The following ERC1 variants were observed in gnomAD, a reference collection of about 807,000 sequenced individuals.
ERC1 encodes the protein ELKS/RAB6-interacting/CAST family member 1.
ERC1 carries 56 observed loss-of-function variants against 132.0 expected under a neutral mutation model. That is an observed-to-expected ratio of 0.42 (90% CI 0.34 to 0.53). The LOEUF is 0.53. Ranked by LOEUF, ERC1 falls within the 20% of genes least tolerant of loss-of-function variation. ERC1 has a pLI of 0.03. For synonymous variants in ERC1, 478 were observed against 476.1 expected (o/e 1.00, Z -0.05); for missense variants, 1,202 against 1,349.9 (o/e 0.89, Z 1.72).
chr12:1,006,191 AGG>A (rs1592640899), intron 1 of ERC1, among the ~76,000 whole-genome samples: 1 of 1,094 alleles, frequency 9.1e-4, no homozygotes, highest in African/African-American at 1.0e-3. Flanking sequence ...TCCTGACCTC[AGG>A]TGATCCACCC....
chr12:1,025,132 G>A (rs986704642), intron 1 of ERC1, among the ~76,000 whole-genome samples: 12 of 152,040 alleles, frequency 7.9e-5, no homozygotes, highest in African/African-American at 2.7e-4. Flanking sequence ...AGATACCAAG[G>A]GACAACTGCC....
chr12:1,141,218 A>C (rs918959399), intron 7 of ERC1, among the ~76,000 whole-genome samples: 1 of 152,204 alleles, frequency 6.6e-6, no homozygotes, highest in Non-Finnish European at 1.5e-5. Context: ...CTCATAGCCT[A>C]TGACTAGACT....
At chr12:1,061,899 A>C (rs1012924755) in intron 2 of ERC1, among the ~76,000 whole-genome samples, 1 of 150,754 alleles carries the variant, frequency 6.6e-6, no homozygotes, top group Non-Finnish European at 1.5e-5. Flanking sequence ...TTTTGATATA[A>C]GTATTTATTG....
chr12:1,255,933 C>T (rs534969988), intron 13 of ERC1, among the ~76,000 whole-genome samples: 7 of 151,962 alleles, frequency 4.6e-5, no homozygotes, highest in South Asian at 2.1e-4. Context: ...GTTTAATGAT[C>T]GCCATTCTAA....
At chr12:1,436,909 CT>C (rs1011767495) in intron 17 of ERC1, among the ~76,000 whole-genome samples, 8 of 152,084 alleles carry the variant, frequency 5.3e-5, no homozygotes, top group Non-Finnish European at 1.2e-4. Flanking sequence ...ATTTTTGCCC[CT>C]AATGTCTCAT....
chr12:1,412,435 C>A (rs2091900151), intron 17 of ERC1, among the ~76,000 whole-genome samples: 1 of 152,216 alleles, frequency 6.6e-6, no homozygotes, highest in African/African-American at 2.4e-5. Flanking sequence ...TAGGCCATTT[C>A]AGGAGAGGTG....
chr12:1,321,894 CG>C (rs1191009760), intron 15 of ERC1, among the ~76,000 whole-genome samples: 2 of 152,162 alleles, frequency 1.3e-5, no homozygotes, highest in African/African-American at 2.4e-5. Flanking sequence ...TAAGAACAAA[CG>C]GGGATCAATG....
intron 8 of ERC1, among the ~76,000 whole-genome samples, chr12:1,169,760 GT>G (rs1302542820): frequency 6.6e-6 from 1 of 152,132 alleles, no homozygotes; most frequent in Non-Finnish European, 1.5e-5. Context: ...TATTCAAGTA[GT>G]TTTTCAGAGT....
At chr12:1,224,263 G>C (rs952224944) in intron 12 of ERC1, among the ~76,000 whole-genome samples, 1 of 152,026 alleles carries the variant, frequency 6.6e-6, no homozygotes, top group African/African-American at 2.4e-5. Context: ...ACACACACAC[G>C]TACACAGACA....
At chr12:1,451,346 C>A (rs186932763) in intron 18 of ERC1, among the ~76,000 whole-genome samples, 1 of 152,304 alleles carries the variant, frequency 6.6e-6, no homozygotes, top group African/African-American at 2.4e-5. Flanking sequence ...AGAGCAGTGG[C>A]TCATGCCTGT....
chr12:1,274,113 G>A (rs1566454102), intron 14 of ERC1, among the ~76,000 whole-genome samples: 1 of 152,272 alleles, frequency 6.6e-6, no homozygotes, highest in East Asian at 1.9e-4. Context: ...ATTAGTGGAG[G>A]AAAAAGGAGT....
At chr12:1,144,233 A>G (rs2968894) in intron 8 of ERC1, among the ~76,000 whole-genome samples, 51,979 of 152,052 alleles carry the variant, frequency 0.34, 10,838 homozygotes, top group African/African-American at 0.58. Context: ...AATAAAGTGA[A>G]TTAAAACTTA....
At chr12:1,163,677 C>G (rs1952083177) in intron 8 of ERC1, among the ~76,000 whole-genome samples, 1 of 152,122 alleles carries the variant, frequency 6.6e-6, no homozygotes, top group African/African-American at 2.4e-5. Flanking sequence ...TCTCTTTGCT[C>G]CTTAGCCTCT....
chr12:1,233,674 C>T (rs988886903), intron 12 of ERC1, among the ~76,000 whole-genome samples: 1 of 151,942 alleles, frequency 6.6e-6, no homozygotes, highest in Non-Finnish European at 1.5e-5. Context: ...AGTTGAATTT[C>T]ATCATGAAGA....
At chr12:1,050,034 C>T (rs957671227) in intron 2 of ERC1, among the ~76,000 whole-genome samples, 4 of 152,106 alleles carry the variant, frequency 2.6e-5, no homozygotes, top group African/African-American at 4.8e-5. Context: ...TGAGCCACTG[C>T]GCCCGGCCAA....
intron 18 of ERC1, among the ~76,000 whole-genome samples, chr12:1,458,620 C>T (rs1449268470): frequency 6.6e-6 from 1 of 151,774 alleles, no homozygotes; most frequent in African/African-American, 2.4e-5. Context: ...CCACAACCTC[C>T]ACCTCCCAGG....
rs368871706 is a variant in ERC1, at chr12:1,301,465, C to T, written c.2780+11453C>T. On this transcript the variant is annotated intron_variant, in intron 15 of 18. Coordinates refer to ENST00000360905, the MANE Select transcript of ERC1 (RefSeq NM_178040.4). The stretch of plus-strand genomic sequence containing the variant: ...ATAAAGAAAATGTAGTGCCCATACA[C>T]CATGGAATATTGTGCAGCCATAAAA... 3.3e-5 allele frequency among the ~76,000 whole-genome samples: 5 copies of T among 152,164 alleles called. No homozygotes were observed. In the East Asian group the frequency reaches 7.7e-4, roughly 23 times the overall value.
intron 6 of ERC1, 98 bp downstream of exon 6, chr12:1,112,396 T>C (rs1945987232): frequency 1.5e-5 from 12 of 820,614 alleles, no homozygotes; most frequent in Non-Finnish European, 2.2e-5. Flanking sequence ...TCATTCTCTA[T>C]GGTTGGCAGC....
intron 11 of ERC1, among the ~76,000 whole-genome samples, chr12:1,185,666 C>T (rs140458811): frequency 4.9e-4 from 74 of 151,356 alleles, no homozygotes; most frequent in Admixed American, 1.3e-3. Context: ...TTTTTATCAC[C>T]CTATAGATAA....
Sources: allele counts gnomAD v4.1 joint callset (sites outside exome capture counted in the v4.1 genomes callset), GRCh38; gene constraint gnomAD v4.1.1; transcripts MANE v1.5; gene names NCBI Gene and HGNC (gene_info 2026-07-23, HGNC 2026-07-21).